Variants in ANGPT4 observed in about 807,000 individuals in gnomAD.
The protein encoded by ANGPT4 is angiopoietin-4.
A neutral mutation model predicts 53.0 loss-of-function variants in ANGPT4; 50 were observed. The ratio of observed to expected loss-of-function variants is 0.94; its 90% CI spans 0.75 to 1.20. The LOEUF (loss-of-function observed/expected upper bound fraction) is 1.20, where lower values mean the gene tolerates loss of function less well. Ranked by LOEUF, ANGPT4 falls within the 50% of genes most tolerant of loss-of-function variation. The pLI is 0.00. For missense variants in ANGPT4, 648 were observed against 637.1 expected (o/e 1.02, Z -0.18); for synonymous variants, 251 against 259.7 (o/e 0.97, Z 0.32).
chr20:895,896 G>C (rs1224962042), intron 1 of ANGPT4, among the ~76,000 whole-genome samples: 1 of 152,140 alleles, frequency 6.6e-6, no homozygotes, highest in African/African-American at 2.4e-5. Flanking sequence ...GTCCGGGGAG[G>C]GGGTGGGGAT....
chr20:880,085 C>T (rs951181335), intron 5 of ANGPT4, among the ~76,000 whole-genome samples: 1 of 152,204 alleles, frequency 6.6e-6, no homozygotes, highest in African/African-American at 2.4e-5. Flanking sequence ...AATGGAGATT[C>T]ATACCTTAAC....
Position 879,833 on chromosome 20 carries a change from G to C in ANGPT4, c.967C>G (p.Gln323Glu), listed in dbSNP as rs777242090. The part of the protein sequence containing the change: ...TKPRKVFCDL[Q>E]SSGGRWTLIQ... ...AGGGTCCACCTGCCTCCACTGCTCT[G>C]CAGGTCACAGAACACCTGGAGGGGG... is the stretch of plus-strand genomic sequence containing the variant. The change falls in exon 6 of 9, where the codon CAG (glutamine) becomes GAG (glutamate). Residue 323 changes from glutamine (Q) to glutamate (E), a missense_variant. Coordinates refer to ENST00000381922, the MANE Select transcript of ANGPT4 (RefSeq NM_015985.4). 9.3e-6 allele frequency: 15 copies of C among 1,612,590 alleles called. No homozygotes were observed. Among genetic ancestry groups the C allele is most frequent in the Non-Finnish European group, 1.3e-5 (15 of 1,179,260 alleles).
chr20:889,462 T>G (rs1981750934), intron 2 of ANGPT4, among the ~76,000 whole-genome samples: 1 of 152,164 alleles, frequency 6.6e-6, no homozygotes, highest in South Asian at 2.1e-4. Context: ...TGTAGGCAGT[T>G]ATAACACAGT....
intron 1 of ANGPT4, among the ~76,000 whole-genome samples, chr20:897,232 T>G (rs888098611): frequency 6.6e-6 from 1 of 152,198 alleles, no homozygotes; most frequent in South Asian, 2.1e-4. Flanking sequence ...GCATGATATT[T>G]GGTGCTGAAG....
At position 916,043 on chromosome 20, in the gene ANGPT4, C is replaced by G. The variant is rs200815484; in HGVS notation, c.172G>C (p.Gly58Arg). ...TTGGAGTCCCTGGAGACCTCAGGCC[C>G]CGGAGGGCAGGGCTCAGACTTGGGC... Reference protein sequence around the residue: ...LLPKSEPCPPGPEVSRDSNTL... With the variant: ...LLPKSEPCPPRPEVSRDSNTL... The change falls in exon 1 of 9, where the codon GGG becomes CGG. Residue 58 changes from glycine to arginine, a missense_variant. By Grantham distance (125) the Gly-to-Arg change is moderately radical (BLOSUM62 -2). Transcript: ENST00000381922. 6.2e-7 allele frequency: 1 copy of G among 1,614,186 alleles called. No individual in the cohort carries two copies. The highest frequency in any genetic ancestry group is 1.3e-5 in the African/African-American group (1 of 75,054).
At chr20:912,305 G>A (rs574628) in intron 1 of ANGPT4, among the ~76,000 whole-genome samples, 66,480 of 151,954 alleles carry the variant, frequency 0.44, 15,678 homozygotes, top group African/African-American at 0.63. Flanking sequence ...AAAGGTCAGG[G>A]GTAGGTGCTG....
intron 1 of ANGPT4, among the ~76,000 whole-genome samples, chr20:907,549 A>G (rs1982521016): frequency 6.6e-6 from 1 of 152,214 alleles, no homozygotes; most frequent in African/African-American, 2.4e-5. Flanking sequence ...CAACATGCTT[A>G]TTGAACAGTT....
intron 1 of ANGPT4, among the ~76,000 whole-genome samples, chr20:903,363 C>A (rs1246813106): frequency 1.3e-5 from 2 of 152,182 alleles, no homozygotes; most frequent in African/African-American, 4.8e-5. Flanking sequence ...TACCCTCGGG[C>A]GCATGCAGAA....
At position 870,976 on chromosome 20, in the gene ANGPT4, G is replaced by A. The variant is rs1243650050; in HGVS notation, c.*1984C>T. ...GGGAAAACTGAGGCTTTGATGATGT[G>A]AAGATAACTGGTGCCTTGAGAGGCT... is the stretch of plus-strand genomic sequence containing the variant. On this transcript the variant is annotated 3_prime_UTR_variant, in exon 9 of 9. Transcript: ENST00000381922. The A allele has an allele frequency of 1.3e-5, 2 of 152,252 alleles. No individual in the cohort carries two copies. Among genetic ancestry groups the A allele is most frequent in the African/African-American group, 4.8e-5 (2 of 41,442 alleles). The allele number at this position is 152,252 out of a possible 1,614,324, so 9.4% of individuals were successfully genotyped here.
intron 3 of ANGPT4, 22 bp downstream of exon 3, chr20:888,296 T>G (rs866274160): frequency 6.2e-7 from 1 of 1,608,710 alleles, no homozygotes; most frequent in East Asian, 2.2e-5. Flanking sequence ...TGTCCTAGTC[T>G]GGTGCCAGGT....
At chr20:881,103 G>T in intron 5 of ANGPT4, 68 bp downstream of exon 5, 1 of 1,252,876 alleles carries the variant, frequency 8.0e-7, no homozygotes, top group Non-Finnish European at 1.1e-6. Context: ...TGGGGTGCGG[G>T]GTGTCTGTTT....
intron 3 of ANGPT4, among the ~76,000 whole-genome samples, chr20:887,255 C>T (rs1007501950): frequency 6.6e-5 from 10 of 152,130 alleles, no homozygotes; most frequent in Admixed American, 5.9e-4. Flanking sequence ...GAATTCCTGC[C>T]CTGTCTTCAT....
Position 879,856 on chromosome 20 carries a change from G to C in ANGPT4, c.952-8C>G, listed in dbSNP as rs1600043903. ...CTGCAGGTCACAGAACACCTGGAGGGGGTGGGCAAGGCACAGCTGGGAGCC... is the reference window on the plus strand; with the variant it reads ...CTGCAGGTCACAGAACACCTGGAGGCGGTGGGCAAGGCACAGCTGGGAGCC... On this transcript the variant is annotated splice_region_variant and splice_polypyrimidine_tract_variant and intron_variant, in intron 5 of 8. Coordinates refer to ENST00000381922, the MANE Select transcript of ANGPT4 (RefSeq NM_015985.4). 6.2e-7 allele frequency: 1 copy of C among 1,607,906 alleles called. No homozygotes were observed. Among genetic ancestry groups the C allele is most frequent in the East Asian group, 2.2e-5 (1 of 44,600 alleles).
At position 887,039 on chromosome 20, in the gene ANGPT4, C is replaced by T. The variant is rs2122790947; in HGVS notation, c.587+1279G>A. ...TGTTGGTTGAATGAATGGAAGGATA[C>T]ACAAGAAACTAGGAACAGTGGCTAC... On this transcript the variant is annotated intron_variant, in intron 3 of 8. Coordinates refer to ENST00000381922, the MANE Select transcript of ANGPT4 (RefSeq NM_015985.4). 2.6e-5 allele frequency among the ~76,000 whole-genome samples: 4 copies of T among 152,272 alleles called. No homozygotes were observed. In the Middle Eastern group the frequency reaches 0.014, roughly 518 times the overall value.
In ANGPT4 at chr20:873,214, A is replaced by G. The variant is rs149346828; in HGVS notation, c.1352-94T>C. 2,735 of 1,096,350 alleles carry G rather than the reference A, an allele frequency of 2.5e-3. 62 individuals carry two copies. The Admixed American group carries it at 0.047, about 19-fold the overall frequency. The allele number at this position is 1,096,350 out of a possible 1,614,324, so 67.9% of individuals were successfully genotyped here. Reference sequence around the variant, plus strand: ...TGTGTCCCAAAGAGAACAAAGACTAATCGGGGCTGTTGCCTCCTCTGGGAA... The same window carrying G: ...TGTGTCCCAAAGAGAACAAAGACTAGTCGGGGCTGTTGCCTCCTCTGGGAA... On this transcript the variant is annotated intron_variant, in intron 8 of 8. Transcript: ENST00000381922.
In ANGPT4 at chr20:911,640, G is replaced by A. The variant is rs1982703513; in HGVS notation, c.309+4266C>T. ...GCGAGAGCCCCAGGAGAGATCCACA[G>A]AGGCAGAGAGACTCAGAAATAGAGA... On this transcript the variant is annotated intron_variant, in intron 1 of 8. Transcript: ENST00000381922. The surrounding 1 kb of genome is among the most constrained non-coding windows in gnomAD (Gnocchi z 4.9). Among the ~76,000 whole-genome samples, 1 of 152,124 alleles carries A rather than the reference G, an allele frequency of 6.6e-6. No individual in the cohort carries two copies. Among genetic ancestry groups the A allele is most frequent in the South Asian group, 2.1e-4 (1 of 4,822 alleles).
chr20:880,111 T>C (rs55809364), intron 5 of ANGPT4, among the ~76,000 whole-genome samples: 34,994 of 152,130 alleles, frequency 0.23, 4,719 homozygotes, highest in East Asian at 0.56. Flanking sequence ...TGTGCCTCAG[T>C]CTCTCATCTA....
At chr20:887,636 CTTT>C (rs55666688) in intron 3 of ANGPT4, among the ~76,000 whole-genome samples, 17,534 of 130,548 alleles carry the variant, frequency 0.13, 1,204 homozygotes, top group African/African-American at 0.2. Context: ...CTCATGACCG[CTTT>C]TTTTTTTTTT....
At chr20:890,162 C>T in intron 2 of ANGPT4, 51 bp downstream of exon 2, 1 of 1,585,192 alleles carries the variant, frequency 6.3e-7, no homozygotes, top group Non-Finnish European at 8.6e-7. Flanking sequence ...GGCTACGAAC[C>T]AGCCTGGCCA....
Sources: allele counts gnomAD v4.1 joint callset (sites outside exome capture counted in the v4.1 genomes callset), GRCh38; gene constraint gnomAD v4.1.1; non-coding constraint Gnocchi (gnomAD v3.1); transcripts MANE v1.5; gene names NCBI Gene and HGNC (gene_info 2026-07-23, HGNC 2026-07-21).